Variants in SLC5A10 observed in about 807,000 individuals in gnomAD.
SLC5A10 encodes the protein sodium/mannose cotransporter SLC5A10.
Under a neutral mutation model 68.9 loss-of-function variants are expected in SLC5A10, and 55 were observed. The observed-to-expected ratio is 0.80, with a 90% CI of 0.64 to 1.00. SLC5A10 has a LOEUF of 1.00. Ranked by LOEUF, SLC5A10 falls within the 50% of genes least tolerant of loss-of-function variation. The pLI, the probability that SLC5A10 is intolerant of heterozygous loss-of-function variation, is 0.00. For missense variants in SLC5A10, 732 were observed against 819.3 expected (o/e 0.89, Z 1.30); for synonymous variants, 344 against 344.8 (o/e 1.00, Z 0.02).
chr17:18,955,630 G>A (rs1447110882), intron 1 of SLC5A10, among the ~76,000 whole-genome samples: 1 of 152,270 alleles, frequency 6.6e-6, no homozygotes, highest in Non-Finnish European at 1.5e-5. Context: ...GAGTTGTGCA[G>A]TGCACAGCGT....
chr17:18,956,537 C>A (rs1416168829), intron 1 of SLC5A10, among the ~76,000 whole-genome samples: 1 of 143,120 alleles, frequency 7.0e-6, no homozygotes, highest in Non-Finnish European at 1.5e-5. Flanking sequence ...AGGGCAGTGG[C>A]GCCATCTTGG....
intron 11 of SLC5A10, 97 bp from the exon 12 acceptor site, chr17:19,019,326 G>A: frequency 6.9e-7 from 1 of 1,439,790 alleles, no homozygotes; most frequent in Non-Finnish European, 9.3e-7. Context: ...GGGTAGCAGG[G>A]GAAAGATTAG....
chr17:18,970,836 T>TA (rs530597462), intron 7 of SLC5A10, 177 bp from the exon 8 acceptor site: 78,465 of 398,184 alleles, frequency 0.2, no homozygotes, highest in South Asian at 0.28. Flanking sequence ...AAATACACCT[T>TA]AAAAAAAAAA....
intron 9 of SLC5A10, among the ~76,000 whole-genome samples, chr17:18,992,044 G>A (rs1439854014): frequency 1.3e-5 from 2 of 152,128 alleles, no homozygotes; most frequent in Non-Finnish European, 2.9e-5. Context: ...AGCCAACAGC[G>A]AGCCTGCGCC....
chr17:19,002,966 T>C (rs2043768572), intron 9 of SLC5A10, among the ~76,000 whole-genome samples: 1 of 152,136 alleles, frequency 6.6e-6, no homozygotes, highest in African/African-American at 2.4e-5. Flanking sequence ...GTTTCCACCA[T>C]TGCAAAGCTC....
At chr17:18,992,694 AG>A (rs1252664028) in intron 9 of SLC5A10, among the ~76,000 whole-genome samples, 5 of 152,332 alleles carry the variant, frequency 3.3e-5, no homozygotes, top group Non-Finnish European at 5.9e-5. Flanking sequence ...CCTGCGTTCC[AG>A]GTCTCAGTTT....
In SLC5A10 at chr17:19,018,031, G is replaced by C. The variant is rs796558479; in HGVS notation, c.1242-1392G>C. On this transcript the variant is annotated intron_variant, in intron 11 of 14. Transcript: ENST00000395645. This position sits in a 1 kb window ranked among gnomAD's most constrained non-coding sequence, Gnocchi z 4.2. ...GGTGGGCAGGCGTTAATGGAGGCCC[G>C]CCTGGGCCTTTGATGAGGGCAGCGC... is the stretch of plus-strand genomic sequence containing the variant. 8 of 152,626 alleles carry C rather than the reference G, an allele frequency of 5.2e-5. No homozygotes were observed. Among genetic ancestry groups the C allele is most frequent in the African/African-American group, 1.7e-4 (7 of 41,558 alleles). 9.5% of individuals were successfully genotyped at this position (152,626 alleles called of 1,614,324 possible).
chr17:18,960,114 G>A (rs1306287941), intron 4 of SLC5A10, among the ~76,000 whole-genome samples: 1 of 152,160 alleles, frequency 6.6e-6, no homozygotes. Flanking sequence ...TTCAGCCCCA[G>A]CCATGCAGCC....
intron 9 of SLC5A10, chr17:18,978,486 G>C: frequency 1.2e-6 from 2 of 1,612,496 alleles, no homozygotes; most frequent in South Asian, 1.1e-5. Context: ...GGGTGGATGG[G>C]TGGCAGCAGC....
At chr17:18,993,488 C>T (rs575382636) in intron 9 of SLC5A10, among the ~76,000 whole-genome samples, 1 of 152,152 alleles carries the variant, frequency 6.6e-6, no homozygotes, top group Non-Finnish European at 1.5e-5. Context: ...CCTCACCCTC[C>T]TAGGCCTCAG....
intron 9 of SLC5A10, among the ~76,000 whole-genome samples, chr17:18,985,817 G>C (rs967321243): frequency 1.4e-4 from 21 of 152,212 alleles, no homozygotes; most frequent in Non-Finnish European, 2.6e-4. Context: ...GGGACCTGCA[G>C]TGCCAGCTGC....
chr17:19,007,722 A>T (rs1170317907), intron 9 of SLC5A10, among the ~76,000 whole-genome samples: 3 of 152,138 alleles, frequency 2.0e-5, no homozygotes, highest in African/African-American at 4.8e-5. Flanking sequence ...TTGCTTTTTC[A>T]TCCTCTTCGA....
At chr17:18,955,025 G>A (rs993476922) in intron 1 of SLC5A10, among the ~76,000 whole-genome samples, 6 of 149,440 alleles carry the variant, frequency 4.0e-5, no homozygotes, top group African/African-American at 1.2e-4. Context: ...GGCGGAGGTC[G>A]CAATGAGCTG....
intron 7 of SLC5A10, 110 bp from the exon 8 acceptor site, chr17:18,970,903 T>A: frequency 1.0e-6 from 1 of 1,001,156 alleles, no homozygotes. Flanking sequence ...TGGAAAAAAC[T>A]CAAGTTTGAT....
At chr17:19,020,046 C>CT in intron 13 of SLC5A10, 109 bp from the exon 14 acceptor site, 2 of 1,446,360 alleles carry the variant, frequency 1.4e-6, no homozygotes, top group South Asian at 2.4e-5. Flanking sequence ...AGCCCCGTCC[C>CT]TTTTTGAACT....
chr17:18,979,617 C>G (rs757147716), intron 9 of SLC5A10: 2 of 1,613,442 alleles, frequency 1.2e-6, no homozygotes, highest in Non-Finnish European at 1.7e-6. Flanking sequence ...CACCCTTGAA[C>G]TTGGTTGCCG....
At position 19,020,723 on chromosome 17, in the gene SLC5A10, C is replaced by T; in HGVS notation, c.*292C>T. 1 of 420,396 alleles carries T rather than the reference C, an allele frequency of 2.4e-6. No homozygotes were observed. The highest frequency in any genetic ancestry group is 2.4e-5 in the South Asian group (1 of 42,530). The allele number at this position is 420,396 out of a possible 1,614,324, so 26.0% of individuals were successfully genotyped here. ...TTTTACTGTTTTCGTTTTGAATACA[C>T]AGGCTGGGTCAGGAGCAGTGAGATT... On this transcript the variant is annotated 3_prime_UTR_variant, in exon 15 of 15. Coordinates refer to ENST00000395645, the MANE Select transcript of SLC5A10 (RefSeq NM_001042450.4).
At chr17:18,974,712 G>C (rs1337209125) in intron 8 of SLC5A10, among the ~76,000 whole-genome samples, 2 of 152,250 alleles carry the variant, frequency 1.3e-5, no homozygotes, top group African/African-American at 4.8e-5. Context: ...TGAGGAGCCA[G>C]GGACAGGCTT....
intron 7 of SLC5A10, chr17:18,969,745 T>A (rs1597831020): frequency 3.2e-6 from 1 of 311,740 alleles, no homozygotes; most frequent in Admixed American, 4.8e-5. Flanking sequence ...TGTAGGCGGG[T>A]GTGAAGGCAC....
Sources: allele counts gnomAD v4.1 joint callset (sites outside exome capture counted in the v4.1 genomes callset), GRCh38; gene constraint gnomAD v4.1.1; non-coding constraint Gnocchi (gnomAD v3.1); transcripts MANE v1.5; gene names NCBI Gene and HGNC (gene_info 2026-07-23, HGNC 2026-07-21).